The following LRRFIP2 variants were observed in gnomAD, a reference collection of about 807,000 sequenced individuals.
LRRFIP2 encodes leucine-rich repeat flightless-interacting protein 2.
A neutral mutation model predicts 125.9 loss-of-function variants in LRRFIP2; 109 were observed. The observed-to-expected ratio is 0.87, with a 90% CI of 0.74 to 1.01. The LOEUF is 1.01. LRRFIP2 is among the 50% of genes least tolerant of loss of function. LRRFIP2 has a pLI of 0.00. For missense variants in LRRFIP2, 850 were observed against 862.3 expected (o/e 0.99, Z 0.18); for synonymous variants, 291 against 293.1 (o/e 0.99, Z 0.07).
At chr3:37,114,012 C>T (rs2094659356) in intron 7 of LRRFIP2, among the ~76,000 whole-genome samples, 1 of 152,022 alleles carries the variant, frequency 6.6e-6, no homozygotes, top group Non-Finnish European at 1.5e-5. Context: ...GCTAGAAGTG[C>T]CCTACCTATC....
intron 18 of LRRFIP2, among the ~76,000 whole-genome samples, chr3:37,086,090 T>C (rs569003516): frequency 2.2e-4 from 34 of 152,304 alleles, no homozygotes; most frequent in African/African-American, 7.9e-4. Context: ...AAAGAGGATA[T>C]GCAAATGGCA....
intron 1 of LRRFIP2, among the ~76,000 whole-genome samples, chr3:37,169,878 C>G (rs191786861): frequency 1.1e-4 from 16 of 152,252 alleles, no homozygotes; most frequent in African/African-American, 3.9e-4. Flanking sequence ...GAGAAAGCAC[C>G]CTGGTATGTA....
rs1338892722 is a variant in LRRFIP2 at position 37,060,190 on chromosome 3, A to G, written c.1750-1280T>C. On this transcript the variant is annotated intron_variant, in intron 24 of 27. Coordinates refer to ENST00000336686, the MANE Select transcript of LRRFIP2 (RefSeq NM_006309.4). The surrounding 1 kb of genome is among the most constrained non-coding windows in gnomAD (Gnocchi z 4.1). The stretch of plus-strand genomic sequence containing the variant: ...CCTCTAGAATTATCAGTCCATCATC[A>G]GCAAACACCCTCTGTCCTCAGTCTT... 6.6e-6 allele frequency among the ~76,000 whole-genome samples: 1 copy of G among 152,152 alleles called. No individual in the cohort carries two copies. The highest frequency in any genetic ancestry group is 1.5e-5 in the Non-Finnish European group (1 of 68,010).
At chr3:37,075,345 A>T (rs1244473780) in intron 19 of LRRFIP2, among the ~76,000 whole-genome samples, 1 of 152,220 alleles carries the variant, frequency 6.6e-6, no homozygotes, top group East Asian at 1.9e-4. Flanking sequence ...AAATTATTAA[A>T]AACAAAAGAT....
intron 1 of LRRFIP2, among the ~76,000 whole-genome samples, chr3:37,164,106 C>G (rs1190789583): frequency 6.6e-6 from 1 of 152,066 alleles, no homozygotes; most frequent in African/African-American, 2.4e-5. Context: ...CTTGAAAAAT[C>G]TGTTGGCGCA....
intron 8 of LRRFIP2, chr3:37,111,680 A>C (rs995695247): frequency 6.6e-6 from 1 of 152,502 alleles, no homozygotes; most frequent in Non-Finnish European, 1.5e-5. Context: ...AAATTTAGGC[A>C]ATCTCTGACT....
intron 25 of LRRFIP2, among the ~76,000 whole-genome samples, chr3:37,057,602 A>G (rs1422200646): frequency 4.0e-5 from 6 of 151,656 alleles, no homozygotes; most frequent in Non-Finnish European, 8.8e-5. Flanking sequence ...TTCTGAGCTC[A>G]AGCAATCCAC....
chr3:37,134,020 A>G (rs1426874501), intron 2 of LRRFIP2, among the ~76,000 whole-genome samples: 1 of 152,054 alleles, frequency 6.6e-6, no homozygotes, highest in African/African-American at 2.4e-5. Context: ...CATCTCTACT[A>G]AAAATACAAA....
intron 16 of LRRFIP2, among the ~76,000 whole-genome samples, chr3:37,095,279 T>G (rs2093661909): frequency 6.6e-6 from 1 of 152,252 alleles, no homozygotes; most frequent in Admixed American, 6.5e-5. Context: ...GATATGCTAA[T>G]CAGCACTTCC....
intron 2 of LRRFIP2, among the ~76,000 whole-genome samples, chr3:37,141,866 G>C (rs939809132): frequency 6.6e-6 from 1 of 152,174 alleles, no homozygotes; most frequent in East Asian, 1.9e-4. Flanking sequence ...ACGATCATAA[G>C]ATCACTGCAA....
chr3:37,160,259 C>A (rs934281322), intron 1 of LRRFIP2, among the ~76,000 whole-genome samples: 4 of 151,938 alleles, frequency 2.6e-5, no homozygotes, highest in African/African-American at 9.7e-5. Flanking sequence ...TTTAAATCAC[C>A]CATCCTGCTA....
chr3:37,128,351 G>A (rs2095340738), intron 3 of LRRFIP2, among the ~76,000 whole-genome samples: 1 of 152,128 alleles, frequency 6.6e-6, no homozygotes, highest in Admixed American at 6.5e-5. Context: ...TCAGGACCAA[G>A]TCAATGTCAG....
chr3:37,055,383 T>C (rs1198981300), intron 25 of LRRFIP2, among the ~76,000 whole-genome samples: 4 of 152,262 alleles, frequency 2.6e-5, no homozygotes, highest in Admixed American at 2.0e-4. Flanking sequence ...CTGGCCAACA[T>C]GGTGAAACCC....
chr3:37,092,683 A>G (rs1378993055), intron 17 of LRRFIP2, among the ~76,000 whole-genome samples: 2 of 152,230 alleles, frequency 1.3e-5, no homozygotes, highest in Non-Finnish European at 2.9e-5. Flanking sequence ...GTACATAGTA[A>G]GAGCTGGTAA....
At chr3:37,166,837 G>A (rs1205145694) in intron 1 of LRRFIP2, among the ~76,000 whole-genome samples, 1 of 151,952 alleles carries the variant, frequency 6.6e-6, no homozygotes, top group Non-Finnish European at 1.5e-5. Flanking sequence ...TGGTCAACAT[G>A]GAGAAACCCC....
At chr3:37,103,413 C>T (rs956032448) in intron 14 of LRRFIP2, among the ~76,000 whole-genome samples, 3 of 152,148 alleles carry the variant, frequency 2.0e-5, no homozygotes, top group African/African-American at 7.2e-5. Flanking sequence ...AATATATATG[C>T]TGAATGCAGA....
intron 14 of LRRFIP2, among the ~76,000 whole-genome samples, chr3:37,104,306 G>A (rs139692997): frequency 1.5e-3 from 233 of 152,276 alleles, no homozygotes; most frequent in African/African-American, 5.5e-3. Flanking sequence ...ACAGGTAGTA[G>A]AAGTGGATAC....
intron 15 of LRRFIP2, among the ~76,000 whole-genome samples, chr3:37,098,566 T>A (rs1441930270): frequency 1.3e-5 from 2 of 151,864 alleles, no homozygotes; most frequent in African/African-American, 4.8e-5. Flanking sequence ...TTTTTTTTTG[T>A]ATTTTTAGAA....
chr3:37,066,545 T>A, intron 21 of LRRFIP2: 1 of 498,434 alleles, frequency 2.0e-6, no homozygotes, highest in Non-Finnish European at 3.6e-6. Context: ...TTCTCATGCA[T>A]CAATTTGGCA....
Sources: allele counts gnomAD v4.1 joint callset (sites outside exome capture counted in the v4.1 genomes callset), GRCh38; gene constraint gnomAD v4.1.1; non-coding constraint Gnocchi (gnomAD v3.1); transcripts MANE v1.5; gene names NCBI Gene and HGNC (gene_info 2026-07-23, HGNC 2026-07-21).